DPH6: variants seen among roughly 807,000 people sequenced by gnomAD.
The protein encoded by DPH6 is diphthamine biosynthesis 6, also known as diphthine--ammonia ligase.
Under a neutral mutation model 38.2 loss-of-function variants are expected in DPH6, and 33 were observed. The observed-to-expected ratio is 0.86, with a 90% CI of 0.65 to 1.15. DPH6 has a LOEUF of 1.15. Among genes scored for constraint, DPH6 ranks in the 50% most tolerant of loss-of-function variants. DPH6 has a pLI of 0.00. For synonymous variants in DPH6, 108 were observed against 103.0 expected, an observed-to-expected ratio of 1.05 and a Z score of -0.30; for missense variants, 325 against 320.0, an observed-to-expected ratio of 1.02 and a Z score of -0.12.
At chr15:35,474,650 T>C (rs1363839302) in intron 3 of DPH6, among the ~76,000 whole-genome samples, 1 of 152,154 alleles carries the variant, frequency 6.6e-6, no homozygotes, top group Non-Finnish European at 1.5e-5. Flanking sequence ...AAAGTATATT[T>C]AAACACTACG....
At chr15:35,352,501 A>C (rs928271559) in intron 3 of DPH6, among the ~76,000 whole-genome samples, 19 of 152,074 alleles carry the variant, frequency 1.2e-4, no homozygotes, top group Non-Finnish European at 2.5e-4. Context: ...TCTTTGTTCA[A>C]TTCCCACCTA....
At chr15:35,382,604 G>A (rs773502217) in intron 6 of DPH6, among the ~76,000 whole-genome samples, 1 of 152,166 alleles carries the variant, frequency 6.6e-6, no homozygotes, top group Non-Finnish European at 1.5e-5. Flanking sequence ...TTAAGTGGAA[G>A]GGAATGAAAA....
At chr15:35,211,759 T>C in the DPH6 span, among the ~76,000 whole-genome samples, 3 of 152,146 alleles carry the variant, frequency 2.0e-5, no homozygotes, top group African/African-American at 4.8e-5. Flanking sequence ...CAGGATGCTG[T>C]GAATCAAAGA....
chr15:35,172,636 A>G, the DPH6 span, among the ~76,000 whole-genome samples: 1 of 152,218 alleles, frequency 6.6e-6, no homozygotes, highest in Admixed American at 6.5e-5. Flanking sequence ...GGATAATTAC[A>G]ATAACTTAAC....
intron 3 of DPH6, among the ~76,000 whole-genome samples, chr15:35,296,647 A>G (rs191419674): frequency 2.7e-3 from 410 of 152,354 alleles, no homozygotes; most frequent in Non-Finnish European, 4.8e-3. Context: ...AGAAAAACAC[A>G]TAACTGGAGA....
At chr15:35,249,707 T>C (rs1276757490) in intron 3 of DPH6, among the ~76,000 whole-genome samples, 3 of 152,164 alleles carry the variant, frequency 2.0e-5, no homozygotes, top group African/African-American at 4.8e-5. Context: ...AAAAATAGCA[T>C]ATTAGTTCTG....
At chr15:35,469,820 CAT>C (rs1468048283) in intron 3 of DPH6, among the ~76,000 whole-genome samples, 3 of 152,030 alleles carry the variant, frequency 2.0e-5, no homozygotes, top group Non-Finnish European at 4.4e-5. Flanking sequence ...ACAGTGAAAA[CAT>C]ATAAACTGAA....
chr15:35,175,997 T>C, the DPH6 span, among the ~76,000 whole-genome samples: 57 of 152,360 alleles, frequency 3.7e-4, no homozygotes, highest in African/African-American at 1.3e-3. Context: ...CTGAGGTTGT[T>C]AAATCAGTTA....
intron 5 of DPH6, among the ~76,000 whole-genome samples, chr15:35,434,772 T>C (rs1291407554): frequency 6.6e-6 from 1 of 151,976 alleles, no homozygotes; most frequent in Non-Finnish European, 1.5e-5. Context: ...TTTTTGTTTG[T>C]TTGTTTTGTT....
chr15:35,154,413 G>T, the DPH6 span, among the ~76,000 whole-genome samples: 1 of 152,060 alleles, frequency 6.6e-6, no homozygotes, highest in African/African-American at 2.4e-5. Context: ...AGCAAATGGG[G>T]ACAAGAAAAT....
intron 3 of DPH6, among the ~76,000 whole-genome samples, chr15:35,461,584 CTTT>C (rs112609768): frequency 1.4e-5 from 2 of 139,324 alleles, no homozygotes. Context: ...TAGTTGTGAT[CTTT>C]TTTTTTTTTT....
chr15:35,491,548 TACAC>T (rs71309445), intron 3 of DPH6, among the ~76,000 whole-genome samples: 11,793 of 137,636 alleles, frequency 0.086, 589 homozygotes, highest in African/African-American at 0.15. Context: ...CCAATAGGTG[TACAC>T]ACACACACAC....
chr15:35,531,265 C>T (rs2055082861), intron 3 of DPH6, among the ~76,000 whole-genome samples: 1 of 152,130 alleles, frequency 6.6e-6, no homozygotes, highest in Admixed American at 6.5e-5. Context: ...AGTTTCTGCT[C>T]AGCATTTTCA....
the DPH6 span, among the ~76,000 whole-genome samples, chr15:35,152,121 G>A: frequency 2.6e-4 from 39 of 152,220 alleles, no homozygotes; most frequent in African/African-American, 7.7e-4. Context: ...GTTTAGTAAC[G>A]TTTTTGTGAC....
At chr15:35,166,141 C>T in the DPH6 span, among the ~76,000 whole-genome samples, 2 of 151,860 alleles carry the variant, frequency 1.3e-5, no homozygotes, top group East Asian at 3.9e-4. Flanking sequence ...CCTTTTCTGT[C>T]CTTCTCCCCT....
intron 6 of DPH6, among the ~76,000 whole-genome samples, chr15:35,403,588 G>A (rs1403703915): frequency 6.6e-6 from 1 of 151,972 alleles, no homozygotes; most frequent in Non-Finnish European, 1.5e-5. Context: ...ATGGCTCATG[G>A]CAGCCTCGAC....
chr15:35,535,108 T>C (rs919388712), intron 3 of DPH6, among the ~76,000 whole-genome samples: 1 of 151,978 alleles, frequency 6.6e-6, no homozygotes, highest in Admixed American at 6.6e-5. Context: ...CACTACTCAA[T>C]AGGAATTTAG....
chr15:35,545,206 A>G (rs1355547346), intron 1 of DPH6, among the ~76,000 whole-genome samples: 1 of 152,260 alleles, frequency 6.6e-6, no homozygotes, highest in African/African-American at 2.4e-5. Context: ...GACACTCTAC[A>G]GGGCAAAATC....
the DPH6 span, among the ~76,000 whole-genome samples, chr15:35,200,852 C>T: frequency 6.6e-6 from 1 of 151,362 alleles, no homozygotes; most frequent in Non-Finnish European, 1.5e-5. Context: ...ATGATGATTG[C>T]TTTAAGGACC....
Sources: gnomAD v4.1 joint callset for allele counts (sites outside exome capture counted in the v4.1 genomes callset) on GRCh38, gnomAD v4.1.1 for gene constraint, MANE v1.5 for transcripts, NCBI Gene and HGNC (gene_info 2026-07-23, HGNC 2026-07-21) for gene names.